Variants in SVOPL observed in about 807,000 individuals in gnomAD.
The protein encoded by SVOPL is SVOP like.
A neutral mutation model predicts 61.0 loss-of-function variants in SVOPL; 60 were observed. That is an observed-to-expected ratio of 0.98 (90% CI 0.80 to 1.22). The LOEUF (loss-of-function observed/expected upper bound fraction) is 1.22. Among genes scored for constraint, SVOPL ranks in the 50% most tolerant of loss-of-function variants. The pLI is 0.00. For missense variants in SVOPL, 662 were observed against 643.9 expected, an observed-to-expected ratio of 1.03 and a Z score of -0.30; for synonymous variants, 279 against 250.0, an observed-to-expected ratio of 1.12 and a Z score of -1.09.
rs181773598 is a variant in SVOPL at position 138,615,400 on chromosome 7, A to G, written c.1353+5646T>C. ...GTGAAACCCGGTCTCTACTAAAAAT[A>G]CAAAAAATTAGCCGGGCGTGGTGGC... On this transcript the variant is annotated intron_variant, in intron 14 of 15. Transcript: ENST00000674285. Among the ~76,000 whole-genome samples, 1,240 of 152,180 alleles carry G rather than the reference A, an allele frequency of 8.1e-3. 19 individuals are homozygous for G. The highest frequency in any genetic ancestry group is 0.028 in the African/African-American group (1,160 of 41,504).
intron 14 of SVOPL, among the ~76,000 whole-genome samples, chr7:138,602,648 A>T (rs1350185628): frequency 6.6e-6 from 1 of 152,022 alleles, no homozygotes; most frequent in African/African-American, 2.4e-5. Flanking sequence ...AGAAAGCCTG[A>T]GTGCTCCTTC....
chr7:138,675,900 G>A (rs150898928), intron 3 of SVOPL, among the ~76,000 whole-genome samples: 2,175 of 152,170 alleles, frequency 0.014, 23 homozygotes, highest in Non-Finnish European at 0.023. Context: ...GTGCAGTGAC[G>A]CAATCTAAGC....
chr7:138,625,027 A>AC (rs1349680201), intron 13 of SVOPL: 1 of 151,960 alleles, frequency 6.6e-6, no homozygotes, highest in Non-Finnish European at 1.5e-5. Flanking sequence ...GGTTATCAAT[A>AC]CTCCAATCAT....
chr7:138,651,654 A>G (rs894636730), intron 7 of SVOPL, among the ~76,000 whole-genome samples: 14 of 152,120 alleles, frequency 9.2e-5, no homozygotes, highest in African/African-American at 3.4e-4. Context: ...TCTGTGACCC[A>G]TGATTTTCTA....
chr7:138,687,514 G>A (rs1802845878), intron 1 of SVOPL, among the ~76,000 whole-genome samples: 1 of 151,120 alleles, frequency 6.6e-6, no homozygotes, highest in Non-Finnish European at 1.5e-5. Flanking sequence ...TGAGATTAGA[G>A]GCATGAGCCA....
At position 138,695,166 on chromosome 7, in the gene SVOPL, A is replaced by G. The variant is rs80319207; in HGVS notation, c.-35+6012T>C. 4.4e-3 allele frequency among the ~76,000 whole-genome samples: 669 copies of G among 152,362 alleles called. 10 individuals are homozygous for G. Among genetic ancestry groups the G allele is most frequent in the African/African-American group, 0.016 (650 of 41,592 alleles). On this transcript the variant is annotated intron_variant, in intron 1 of 15. Coordinates refer to ENST00000674285, the MANE Select transcript of SVOPL (RefSeq NM_001139456.2). ...ACTACTAGGTATCAGACAATAAAAT[A>G]CAATGAAAAGAGTTCCTGTTTCCAA...
chr7:138,614,933 A>G (rs1467709968), intron 14 of SVOPL, among the ~76,000 whole-genome samples: 1 of 152,098 alleles, frequency 6.6e-6, no homozygotes, highest in African/African-American at 2.4e-5. Context: ...TGAAAACACC[A>G]TGTGAAGTCT....
intron 12 of SVOPL, among the ~76,000 whole-genome samples, chr7:138,626,685 A>T (rs568656582): frequency 1.6e-3 from 239 of 151,646 alleles, no homozygotes; most frequent in Non-Finnish European, 3.0e-3. Flanking sequence ...GAGTCACCAA[A>T]TTTTTTTTCA....
chr7:138,616,218 A>G (rs1799292465), intron 14 of SVOPL, among the ~76,000 whole-genome samples: 1 of 152,192 alleles, frequency 6.6e-6, no homozygotes, highest in Admixed American at 6.5e-5. Context: ...GAACTAAGAC[A>G]CCTAGCTAGG....
At chr7:138,663,808 G>T (rs993533216) in intron 4 of SVOPL, among the ~76,000 whole-genome samples, 1 of 150,114 alleles carries the variant, frequency 6.7e-6, no homozygotes, top group Non-Finnish European at 1.5e-5. Flanking sequence ...CCTGACTGAC[G>T]GCCTCCAGGG....
In SVOPL at chr7:138,688,762, C is replaced by T. The variant is rs575485826; in HGVS notation, c.-34-9683G>A. Among the ~76,000 whole-genome samples the T allele has an allele frequency of 3.3e-5, 5 of 152,214 alleles. No individual in the cohort carries two copies. In the South Asian group the frequency reaches 6.2e-4, roughly 19 times the overall value. ...TCCTCAAAGGGTAAACATAGAGTTA[C>T]CGTATGTGCTGTTCCACTCCTAGGT... On this transcript the variant is annotated intron_variant, in intron 1 of 15. Transcript: ENST00000674285.
At chr7:138,687,438 G>A (rs1209138873) in intron 1 of SVOPL, among the ~76,000 whole-genome samples, 1 of 151,548 alleles carries the variant, frequency 6.6e-6, no homozygotes, top group Non-Finnish European at 1.5e-5. Flanking sequence ...GTTTTGCCAT[G>A]TTGGCCAGGC....
intron 9 of SVOPL, among the ~76,000 whole-genome samples, chr7:138,632,706 A>T (rs1800268499): frequency 6.9e-6 from 1 of 144,464 alleles, no homozygotes; most frequent in African/African-American, 2.6e-5. Flanking sequence ...GGAAGATGGG[A>T]GACAGGGGGT....
At chr7:138,632,530 G>A (rs1800257964) in intron 9 of SVOPL, among the ~76,000 whole-genome samples, 1 of 152,092 alleles carries the variant, frequency 6.6e-6, no homozygotes, top group South Asian at 2.1e-4. Context: ...AAGTGGGGAG[G>A]AGGAGGAAGT....
intron 13 of SVOPL, among the ~76,000 whole-genome samples, chr7:138,622,102 C>G (rs199847347): frequency 0.023 from 941 of 40,530 alleles, 40 homozygotes; most frequent in Middle Eastern, 0.036. Context: ...ATCTATCTAT[C>G]TATCTATCTA....
chr7:138,611,862 C>T (rs1225264970), intron 14 of SVOPL, among the ~76,000 whole-genome samples: 4 of 78,832 alleles, frequency 5.1e-5, no homozygotes, highest in East Asian at 3.6e-4. Flanking sequence ...GAGATTGCAG[C>T]CTCTGCCCGG....
At chr7:138,653,966 AAAG>A (rs1224150508) in intron 7 of SVOPL, among the ~76,000 whole-genome samples, 3 of 151,128 alleles carry the variant, frequency 2.0e-5, no homozygotes, top group African/African-American at 7.3e-5. Context: ...AAAGAAAAGA[AAAG>A]AAAAAATACA....
chr7:138,658,226 C>T (rs1439091045), intron 6 of SVOPL, among the ~76,000 whole-genome samples: 1 of 152,112 alleles, frequency 6.6e-6, no homozygotes, highest in African/African-American at 2.4e-5. Flanking sequence ...GTCTCAGCTT[C>T]ATTTTACCCA....
At chr7:138,678,656 C>T (rs1470499521) in intron 2 of SVOPL, 131 bp from the exon 3 acceptor site, 2 of 835,848 alleles carry the variant, frequency 2.4e-6, no homozygotes, top group Admixed American at 2.5e-5. Context: ...TAGGCAACCT[C>T]TGCCTACTGG....
Sources: allele counts gnomAD v4.1 joint callset (sites outside exome capture counted in the v4.1 genomes callset), GRCh38; gene constraint gnomAD v4.1.1; transcripts MANE v1.5; gene names NCBI Gene and HGNC (gene_info 2026-07-23, HGNC 2026-07-21).